Variants in KIF3A observed in about 807,000 individuals in gnomAD.
The protein encoded by KIF3A is kinesin family member 3A.
In KIF3A, 27 loss-of-function variants were observed where a neutral mutation model predicts 92.6. The observed-to-expected ratio is 0.29, with a 90% CI of 0.21 to 0.40. KIF3A has a LOEUF of 0.40. Among genes scored for constraint, KIF3A ranks in the 10% least tolerant of loss-of-function variants. The pLI, the probability that KIF3A is intolerant of heterozygous loss-of-function variation, is 1.00. For missense variants in KIF3A, 581 were observed against 872.6 expected, an observed-to-expected ratio of 0.67 and a Z score of 4.21; for synonymous variants, 250 against 275.4, an observed-to-expected ratio of 0.91 and a Z score of 0.92.
At chr5:132,719,247 T>C (rs1419542162) in intron 5 of KIF3A, among the ~76,000 whole-genome samples, 1 of 152,238 alleles carries the variant, frequency 6.6e-6, no homozygotes, top group Non-Finnish European at 1.5e-5. Flanking sequence ...AGCATTTTCC[T>C]GATTAGTTGT....
At chr5:132,705,526 C>T (rs931702777) in intron 11 of KIF3A, among the ~76,000 whole-genome samples, 1 of 151,970 alleles carries the variant, frequency 6.6e-6, no homozygotes, top group African/African-American at 2.4e-5. Flanking sequence ...AAAGATTTTA[C>T]ATGTGGAAAT....
Position 132,711,010 on chromosome 5 carries a change from C to T in KIF3A, c.1177G>A (p.Asp393Asn), listed in dbSNP as rs2149901850. 6.2e-7 allele frequency: 1 copy of T among 1,611,848 alleles called. No individual in the cohort carries two copies. The highest frequency in any genetic ancestry group is 2.2e-5 in the East Asian group (1 of 44,830). The change falls in exon 9 of 19, where the codon GAT becomes AAT. Residue 393 changes from aspartate to asparagine, a missense_variant. This residue lies in a region of KIF3A where 167 missense variants were observed against 205.8 expected (regional missense o/e 0.81). Coordinates refer to ENST00000403231, the MANE Select transcript of KIF3A (RefSeq NM_001300791.2). ...SDISGSEEDDDEEGEVGEDGE... is the reference protein window; with the variant it reads ...SDISGSEEDDNEEGEVGEDGE... The stretch of plus-strand genomic sequence containing the variant: ...TCTTCTCCAACCTCACCCTCTTCAT[C>T]ATCATCTTCCTCTGACCCACTGATA...
At chr5:132,726,969 A>C (rs1210315185) in intron 2 of KIF3A, among the ~76,000 whole-genome samples, 2 of 152,244 alleles carry the variant, frequency 1.3e-5, no homozygotes, top group Non-Finnish European at 2.9e-5. Flanking sequence ...AATGGGGATA[A>C]GAAAATTCGC....
intron 8 of KIF3A, among the ~76,000 whole-genome samples, chr5:132,714,132 A>C (rs1172194793): frequency 2.0e-5 from 3 of 151,832 alleles, no homozygotes; most frequent in African/African-American, 7.3e-5. Context: ...CCTGACCTCA[A>C]CTGATCCACC....
In KIF3A at chr5:132,694,454, C is replaced by A. The variant is rs1752768803; in HGVS notation, c.*2180G>T. The A allele has an allele frequency of 6.6e-6, 1 of 152,142 alleles. No homozygotes were observed. The allele number at this position is 152,142 out of a possible 1,614,324, so 9.4% of individuals were successfully genotyped here. On this transcript the variant is annotated 3_prime_UTR_variant, in exon 19 of 19. Coordinates refer to ENST00000403231, the MANE Select transcript of KIF3A (RefSeq NM_001300791.2). ...TCTCAATTGACTTTTTATAGATCGG[C>A]TTTTTATTTTGACTTTTTATAGATT...
At chr5:132,733,663 A>C (rs1258664864) in intron 2 of KIF3A, among the ~76,000 whole-genome samples, 1 of 152,198 alleles carries the variant, frequency 6.6e-6, no homozygotes, top group African/African-American at 2.4e-5. Context: ...ATTACTCAGG[A>C]GGCAGAAGTG....
Position 132,737,459 on chromosome 5 carries a change from G to A in KIF3A, c.-40C>T, listed in dbSNP as rs774529523. Reference sequence around the variant, plus strand: ...GTGCCCGGCGGACGTCCCCGCCCGGGGTGCAGCCCAGCGACACCGGGTGCG... The same window carrying A: ...GTGCCCGGCGGACGTCCCCGCCCGGAGTGCAGCCCAGCGACACCGGGTGCG... On this transcript the variant is annotated 5_prime_UTR_variant, in exon 1 of 19. Transcript: ENST00000403231. 75 of 1,598,518 alleles carry A rather than the reference G, an allele frequency of 4.7e-5. No individual in the cohort carries two copies. The highest frequency in any genetic ancestry group is 6.3e-5 in the Non-Finnish European group (74 of 1,173,414).
intron 18 of KIF3A, among the ~76,000 whole-genome samples, chr5:132,697,129 T>G (rs1752866265): frequency 6.6e-6 from 1 of 152,232 alleles, no homozygotes; most frequent in African/African-American, 2.4e-5. Flanking sequence ...TGTATTATAT[T>G]TATTGCAATT....
At chr5:132,725,521 T>C (rs1754006322) in intron 4 of KIF3A, among the ~76,000 whole-genome samples, 2 of 152,152 alleles carry the variant, frequency 1.3e-5, no homozygotes, top group South Asian at 4.1e-4. Context: ...GCTAAGATGG[T>C]AGACTGCTAG....
At chr5:132,731,806 G>T (rs1035881416) in intron 2 of KIF3A, among the ~76,000 whole-genome samples, 3 of 152,032 alleles carry the variant, frequency 2.0e-5, no homozygotes, top group African/African-American at 7.3e-5. Context: ...CGCCTCCGAG[G>T]TTCAGGCGAT....
At chr5:132,715,563 T>C (rs1753590799) in intron 8 of KIF3A, among the ~76,000 whole-genome samples, 194 bp downstream of exon 8, 1 of 152,170 alleles carries the variant, frequency 6.6e-6, no homozygotes, top group African/African-American at 2.4e-5. Context: ...ACACAAATAT[T>C]ATGTAATTTT....
chr5:132,709,839 G>A (rs1346730553), intron 9 of KIF3A, among the ~76,000 whole-genome samples: 1 of 152,134 alleles, frequency 6.6e-6, no homozygotes, highest in Non-Finnish European at 1.5e-5. Context: ...TGGTGAGCTG[G>A]ATTTAGCCAG....
At chr5:132,730,583 T>C (rs1754195055) in intron 2 of KIF3A, among the ~76,000 whole-genome samples, 2 of 151,984 alleles carry the variant, frequency 1.3e-5, no homozygotes, top group Non-Finnish European at 1.5e-5. Context: ...GTCCAGGAGT[T>C]CAAGACCAGC....
At chr5:132,704,642 C>T (rs1460344216) in intron 11 of KIF3A, among the ~76,000 whole-genome samples, 1 of 151,898 alleles carries the variant, frequency 6.6e-6, no homozygotes, top group Admixed American at 6.6e-5. Flanking sequence ...TAGAAACATA[C>T]ATTCCTTCAG....
downstream of KIF3A, chr5:132,689,544 G>A (rs766799085): frequency 6.6e-6 from 1 of 152,074 alleles, no homozygotes; most frequent in Admixed American, 6.6e-5. Context: ...TTATATATGC[G>A]GGGAGAAAAT....
At chr5:132,698,581 A>G (rs1451794672) in intron 18 of KIF3A, among the ~76,000 whole-genome samples, 1 of 152,226 alleles carries the variant, frequency 6.6e-6, no homozygotes, top group Non-Finnish European at 1.5e-5. Flanking sequence ...GAATTAGTCT[A>G]AGAATTAAGG....
intron 10 of KIF3A, among the ~76,000 whole-genome samples, chr5:132,708,613 A>C (rs1018527060): frequency 7.2e-5 from 11 of 152,366 alleles, no homozygotes; most frequent in African/African-American, 2.4e-4. Flanking sequence ...AAAAATAAGC[A>C]TAAGAATTAT....
At chr5:132,730,635 T>C (rs143077326) in intron 2 of KIF3A, among the ~76,000 whole-genome samples, 17 of 149,188 alleles carry the variant, frequency 1.1e-4, no homozygotes, top group Non-Finnish European at 2.4e-4. Flanking sequence ...CAAAAAAAAA[T>C]TAAAATTAGC....
intron 4 of KIF3A, among the ~76,000 whole-genome samples, chr5:132,724,857 T>TATATA (rs1753985164): frequency 6.9e-5 from 1 of 14,548 alleles, no homozygotes; most frequent in Non-Finnish European, 3.2e-4. Context: ...ATATATATAT[T>TATATA]AAAAAATCAT....
Sources: gnomAD v4.1 joint callset for allele counts (sites outside exome capture counted in the v4.1 genomes callset) on GRCh38, gnomAD v4.1.1 for gene constraint, gnomAD v4.1.1 regional missense constraint, MANE v1.5 for transcripts, NCBI Gene and HGNC (gene_info 2026-07-23, HGNC 2026-07-21) for gene names.